The following RBMS3 variants were observed in gnomAD, a reference collection of about 807,000 sequenced individuals.
RBMS3 encodes the protein RNA binding motif single stranded interacting protein 3, also known as RNA-binding motif, single-stranded-interacting protein 3.
In RBMS3, 27 loss-of-function variants were observed where a neutral mutation model predicts 66.8. The observed-to-expected ratio is 0.40, with a 90% confidence interval of 0.30 to 0.56. The LOEUF is 0.56. RBMS3 is among the 20% of genes least tolerant of loss of function. The probability of loss-of-function intolerance (pLI) is 0.40; values close to 1 mark genes in which losing one functional copy is unlikely to be tolerated. For synonymous variants in RBMS3, 188 were observed against 183.0 expected (o/e 1.03, Z -0.22); for missense variants, 513 against 549.5 (o/e 0.93, Z 0.66).
At chr3:29,896,776 C>A (rs1251410888) in intron 8 of RBMS3, among the ~76,000 whole-genome samples, 1 of 151,554 alleles carries the variant, frequency 6.6e-6, no homozygotes, top group Non-Finnish European at 1.5e-5. Flanking sequence ...CTAGAAAATT[C>A]AGTGCTTTTT....
intron 1 of RBMS3, among the ~76,000 whole-genome samples, chr3:29,353,304 A>G (rs948162638): frequency 6.6e-6 from 1 of 151,960 alleles, no homozygotes; most frequent in Non-Finnish European, 1.5e-5. Flanking sequence ...ATTAAATGTG[A>G]TGGTGGCATT....
intron 12 of RBMS3, among the ~76,000 whole-genome samples, chr3:29,962,897 C>T (rs1402072106): frequency 2.6e-5 from 4 of 151,708 alleles, no homozygotes; most frequent in Admixed American, 6.6e-5. Flanking sequence ...CTATTTTTCT[C>T]TCAGTGCCTG....
At chr3:29,489,862 G>A (rs9816319) in intron 3 of RBMS3, among the ~76,000 whole-genome samples, 1,567 of 151,690 alleles carry the variant, frequency 0.01, 24 homozygotes, top group African/African-American at 0.032. Context: ...GGCCAACATG[G>A]TGAAACCCTG....
intron 4 of RBMS3, among the ~76,000 whole-genome samples, chr3:29,731,411 C>G (rs1207789643): frequency 6.6e-6 from 1 of 152,134 alleles, no homozygotes; most frequent in Non-Finnish European, 1.5e-5. Flanking sequence ...CCATGCAGAA[C>G]TAACAAAAGA....
At chr3:29,297,362 A>C (rs1411876611) in intron 1 of RBMS3, among the ~76,000 whole-genome samples, 1 of 151,902 alleles carries the variant, frequency 6.6e-6, no homozygotes, top group Non-Finnish European at 1.5e-5. Context: ...GATTGTTATT[A>C]GTGATAATGG....
intron 14 of RBMS3, among the ~76,000 whole-genome samples, chr3:30,002,433 A>G (rs1577364991): frequency 6.6e-6 from 1 of 151,918 alleles, no homozygotes; most frequent in South Asian, 2.1e-4. Flanking sequence ...CCAAGAAAAA[A>G]AATTGTTCCC....
At chr3:29,901,594 G>A (rs1022242254) in intron 10 of RBMS3, among the ~76,000 whole-genome samples, 12 of 151,622 alleles carry the variant, frequency 7.9e-5, no homozygotes, top group Admixed American at 4.6e-4. Context: ...CTTCAGCCTC[G>A]TGTTCGCATG....
intron 3 of RBMS3, among the ~76,000 whole-genome samples, chr3:29,572,717 C>T (rs2046988779): frequency 6.6e-6 from 1 of 152,024 alleles, no homozygotes; most frequent in African/African-American, 2.4e-5. Flanking sequence ...GAGATATTGG[C>T]CTGTAGTTTT....
chr3:29,546,441 G>T (rs966441121), intron 3 of RBMS3, among the ~76,000 whole-genome samples: 2 of 151,942 alleles, frequency 1.3e-5, no homozygotes, highest in African/African-American at 4.8e-5. Flanking sequence ...CTAACTGATG[G>T]GATACGTACA....
chr3:29,784,204 G>C (rs546860022), intron 6 of RBMS3, among the ~76,000 whole-genome samples: 3 of 152,172 alleles, frequency 2.0e-5, no homozygotes, highest in Admixed American at 6.5e-5. Context: ...GGATTTAACA[G>C]ATATTTTCAG....
chr3:29,548,119 A>G (rs1370789), intron 3 of RBMS3, among the ~76,000 whole-genome samples: 10,117 of 152,156 alleles, frequency 0.066, 649 homozygotes, highest in East Asian at 0.33. Context: ...TTTCTTAGGA[A>G]AGAAATCCAT....
In RBMS3 at chr3:29,460,166, C is replaced by T. The variant is rs192694738; in HGVS notation, c.248+25251C>T. 2.2e-3 allele frequency among the ~76,000 whole-genome samples: 339 copies of T among 152,268 alleles called. 3 individuals are homozygous for T. The highest frequency in any genetic ancestry group is 7.9e-3 in the African/African-American group (329 of 41,562). On this transcript the variant is annotated intron_variant, in intron 2 of 14. Coordinates refer to ENST00000383767, the MANE Select transcript of RBMS3 (RefSeq NM_001003793.3). ...GCCCTTTCTCCAGGCTAAATAAAATCGATACACCATTGGTAGAAATATGTT... is the reference window on the plus strand; with the variant it reads ...GCCCTTTCTCCAGGCTAAATAAAATTGATACACCATTGGTAGAAATATGTT...
Position 29,306,608 on chromosome 3 carries a change from T to G in RBMS3, c.75+24852T>G, listed in dbSNP as rs554286732. Reference sequence around the variant, plus strand: ...GAAATACAGCAGAGCCTCAGATTTTTCCTCCCTTCCTTCTACATTTCTGCC... The same window carrying G: ...GAAATACAGCAGAGCCTCAGATTTTGCCTCCCTTCCTTCTACATTTCTGCC... On this transcript the variant is annotated intron_variant, in intron 1 of 14. Coordinates refer to ENST00000383767, the MANE Select transcript of RBMS3 (RefSeq NM_001003793.3). Among the ~76,000 whole-genome samples the G allele has an allele frequency of 2.1e-3, 314 of 152,050 alleles. 2 individuals are homozygous for G. The highest frequency in any genetic ancestry group is 7.2e-3 in the African/African-American group (299 of 41,526).
chr3:29,614,963 G>A (rs2048613568), intron 4 of RBMS3: 1 of 152,196 alleles, frequency 6.6e-6, no homozygotes, highest in East Asian at 1.9e-4. Flanking sequence ...TAGGCCAAAT[G>A]AGAAGTTGCT....
chr3:29,489,941 G>A (rs1177848663), intron 3 of RBMS3, among the ~76,000 whole-genome samples: 2 of 150,478 alleles, frequency 1.3e-5, no homozygotes, highest in African/African-American at 2.4e-5. Flanking sequence ...TACTTGGGAG[G>A]CTGTGGCAGG....
At chr3:29,421,864 T>G (rs569340143) in intron 1 of RBMS3, among the ~76,000 whole-genome samples, 1 of 152,336 alleles carries the variant, frequency 6.6e-6, no homozygotes, top group Admixed American at 6.5e-5. Flanking sequence ...ATCATGAGAT[T>G]TTAAATCACA....
intron 7 of RBMS3, among the ~76,000 whole-genome samples, chr3:29,879,911 C>A (rs1396422420): frequency 2.6e-5 from 4 of 152,136 alleles, no homozygotes; most frequent in Non-Finnish European, 5.9e-5. Flanking sequence ...TCTGAAGTAG[C>A]AATGCCTGGT....
At chr3:29,958,895 C>T (rs963786455) in intron 12 of RBMS3, among the ~76,000 whole-genome samples, 1 of 152,152 alleles carries the variant, frequency 6.6e-6, no homozygotes, top group Non-Finnish European at 1.5e-5. Context: ...ACAGCTGATG[C>T]ATTCTTGTTA....
chr3:29,318,182 G>T (rs1182235171), intron 1 of RBMS3, among the ~76,000 whole-genome samples: 1 of 151,650 alleles, frequency 6.6e-6, no homozygotes, highest in African/African-American at 2.4e-5. Flanking sequence ...TAATATTCTG[G>T]TGTCTTCACC....
Sources: allele counts gnomAD v4.1 joint callset (sites outside exome capture counted in the v4.1 genomes callset), GRCh38; gene constraint gnomAD v4.1.1; transcripts MANE v1.5; gene names NCBI Gene and HGNC (gene_info 2026-07-23, HGNC 2026-07-21).